Variants in AK5 observed in about 807,000 individuals in gnomAD.
The protein encoded by AK5 is adenylate kinase 5.
AK5 carries 27 observed loss-of-function variants against 69.5 expected under a neutral mutation model. That is an observed-to-expected ratio of 0.39 (90% CI 0.29 to 0.54). AK5 has a LOEUF of 0.54. AK5 is among the 20% of genes least tolerant of loss of function. The pLI is 0.71. For missense variants in AK5, 531 were observed against 700.4 expected (o/e 0.76, Z 2.73); for synonymous variants, 260 against 244.4 (o/e 1.06, Z -0.60).
chr1:77,507,699 C>A (rs1221639946), intron 10 of AK5, among the ~76,000 whole-genome samples: 1 of 152,098 alleles, frequency 6.6e-6, no homozygotes, highest in East Asian at 1.9e-4. Context: ...CATGATAGAA[C>A]CATTATCTTA....
intron 5 of AK5, among the ~76,000 whole-genome samples, chr1:77,319,876 G>T (rs7549462): frequency 0.19 from 29,379 of 152,176 alleles, 3,414 homozygotes; most frequent in Admixed American, 0.27. Flanking sequence ...GTACAAGTGT[G>T]CCCCACGTTA....
intron 13 of AK5, among the ~76,000 whole-genome samples, chr1:77,536,382 A>T (rs572636236): frequency 1.3e-5 from 2 of 152,304 alleles, no homozygotes; most frequent in East Asian, 3.9e-4. Context: ...TGAGCCCCAG[A>T]GGTGGAGGCT....
chr1:77,395,862 A>G (rs1232506617), intron 6 of AK5, among the ~76,000 whole-genome samples: 2 of 152,154 alleles, frequency 1.3e-5, no homozygotes, highest in Non-Finnish European at 2.9e-5. Context: ...TAATCCCAAG[A>G]TTCTTATCTA....
chr1:77,338,552 A>C (rs944939717), intron 5 of AK5, among the ~76,000 whole-genome samples: 19 of 152,218 alleles, frequency 1.2e-4, no homozygotes, highest in Non-Finnish European at 2.6e-4. Flanking sequence ...CAGTGCTGAC[A>C]GTGTAGATTT....
intron 5 of AK5, among the ~76,000 whole-genome samples, chr1:77,311,258 A>G (rs1570358415): frequency 6.6e-6 from 1 of 152,172 alleles, no homozygotes; most frequent in Admixed American, 6.5e-5. Context: ...TGGCAAATAA[A>G]TATTTGTGTC....
intron 5 of AK5, among the ~76,000 whole-genome samples, chr1:77,304,325 T>C (rs1051620800): frequency 6.6e-6 from 1 of 152,172 alleles, no homozygotes; most frequent in Non-Finnish European, 1.5e-5. Context: ...CCTCCATCCA[T>C]GTTGTTGCGT....
intron 10 of AK5, among the ~76,000 whole-genome samples, chr1:77,514,782 A>G (rs958204332): frequency 6.6e-6 from 1 of 152,264 alleles, no homozygotes; most frequent in African/African-American, 2.4e-5. Context: ...AAAAACTGTA[A>G]TAGTCATATT....
intron 6 of AK5, among the ~76,000 whole-genome samples, chr1:77,341,171 A>G (rs532937634): frequency 1.3e-5 from 2 of 152,368 alleles, no homozygotes; most frequent in African/African-American, 2.4e-5. Flanking sequence ...ATGATATTCA[A>G]TGTGCCAATG....
intron 5 of AK5, among the ~76,000 whole-genome samples, chr1:77,305,489 A>G (rs1381202175): frequency 6.6e-6 from 1 of 152,110 alleles, no homozygotes; most frequent in Non-Finnish European, 1.5e-5. Flanking sequence ...TAAGTCTTTA[A>G]TCCATTTTTA....
At chr1:77,390,782 G>T (rs553730098) in intron 6 of AK5, among the ~76,000 whole-genome samples, 26 of 152,206 alleles carry the variant, frequency 1.7e-4, no homozygotes, top group Non-Finnish European at 2.8e-4. Flanking sequence ...AGAATAGCAT[G>T]ATTTTTTTAT....
At chr1:77,346,452 C>T (rs535641425) in intron 6 of AK5, among the ~76,000 whole-genome samples, 1 of 152,316 alleles carries the variant, frequency 6.6e-6, no homozygotes, top group Non-Finnish European at 1.5e-5. Flanking sequence ...CACTTAGCAT[C>T]ACTGCACATA....
At chr1:77,309,327 T>A (rs1350974174) in intron 5 of AK5, among the ~76,000 whole-genome samples, 1 of 152,096 alleles carries the variant, frequency 6.6e-6, no homozygotes, top group African/African-American at 2.4e-5. Flanking sequence ...CTCAAATTGA[T>A]CGTGATTAAC....
intron 10 of AK5, among the ~76,000 whole-genome samples, chr1:77,516,597 G>A (rs1412879690): frequency 1.3e-5 from 2 of 151,016 alleles, no homozygotes; most frequent in African/African-American, 2.4e-5. Context: ...GGAAGGAAGG[G>A]CCTTTCAAGC....
chr1:77,375,006 C>G (rs1647198228), intron 6 of AK5, among the ~76,000 whole-genome samples: 1 of 152,122 alleles, frequency 6.6e-6, no homozygotes, highest in South Asian at 2.1e-4. Flanking sequence ...TTATTCTGTG[C>G]TTATTACATG....
chr1:77,364,074 C>G (rs1202954498), intron 6 of AK5, among the ~76,000 whole-genome samples: 1 of 151,416 alleles, frequency 6.6e-6, no homozygotes, highest in African/African-American at 2.4e-5. Context: ...TTTACAAGAG[C>G]AAAAAAAGGA....
intron 8 of AK5, among the ~76,000 whole-genome samples, chr1:77,480,853 A>G (rs1184154628): frequency 6.6e-6 from 1 of 152,214 alleles, no homozygotes; most frequent in African/African-American, 2.4e-5. Flanking sequence ...GCAGTAATTG[A>G]TATTTTTCCC....
chr1:77,446,479 T>C (rs913392025), intron 8 of AK5, among the ~76,000 whole-genome samples: 1 of 152,172 alleles, frequency 6.6e-6, no homozygotes, highest in Admixed American at 6.5e-5. Context: ...CTTTGGGATT[T>C]TTATAGGGAT....
intron 8 of AK5, among the ~76,000 whole-genome samples, chr1:77,461,598 C>T (rs1250593256): frequency 6.6e-6 from 1 of 151,458 alleles, no homozygotes; most frequent in Non-Finnish European, 1.5e-5. Flanking sequence ...GGTGAAATCC[C>T]GTCTCTACTA....
At chr1:77,404,014 A>T (rs1461594698) in intron 6 of AK5, among the ~76,000 whole-genome samples, 5 of 152,114 alleles carry the variant, frequency 3.3e-5, no homozygotes, top group Non-Finnish European at 5.9e-5. Context: ...GGTCCTTCAC[A>T]TCCCTCGTAA....
Sources: allele counts gnomAD v4.1 joint callset (sites outside exome capture counted in the v4.1 genomes callset), GRCh38; gene constraint gnomAD v4.1.1; transcripts MANE v1.5; gene names NCBI Gene and HGNC (gene_info 2026-07-23, HGNC 2026-07-21).